AP3B1: variants seen among roughly 807,000 people sequenced by gnomAD.
The protein encoded by AP3B1 is adaptor related protein complex 3 subunit beta 1.
In AP3B1, 61 loss-of-function variants were observed where a neutral mutation model predicts 132.5. The ratio of observed to expected loss-of-function variants is 0.46; its 90% CI spans 0.37 to 0.57. The LOEUF is 0.57. Among genes scored for constraint, AP3B1 ranks in the 20% least tolerant of loss-of-function variants. The probability of loss-of-function intolerance (pLI) is 0.00; values close to 1 mark genes in which losing one functional copy is unlikely to be tolerated. For synonymous variants in AP3B1, 388 were observed against 438.3 expected, an observed-to-expected ratio of 0.89 and a Z score of 1.43; for missense variants, 1,120 against 1,289.4, an observed-to-expected ratio of 0.87 and a Z score of 2.01.
At chr5:78,060,776 A>C (rs551500982) in intron 22 of AP3B1, among the ~76,000 whole-genome samples, 1 of 152,278 alleles carries the variant, frequency 6.6e-6, no homozygotes, top group South Asian at 2.1e-4. Flanking sequence ...GTTTTTGAAA[A>C]AAAAAAATCT....
At chr5:78,255,352 C>A (rs1329259151) in intron 2 of AP3B1, among the ~76,000 whole-genome samples, 2 of 151,892 alleles carry the variant, frequency 1.3e-5, no homozygotes, top group Non-Finnish European at 2.9e-5. Flanking sequence ...CACAAAAAAA[C>A]ACACTGTACC....
chr5:78,147,337 C>T (rs1753449265), intron 14 of AP3B1, among the ~76,000 whole-genome samples: 1 of 151,892 alleles, frequency 6.6e-6, no homozygotes, highest in East Asian at 1.9e-4. Context: ...CTTTCCTTAC[C>T]TTCTTATTTT....
At chr5:78,079,491 T>C in intron 22 of AP3B1, among the ~76,000 whole-genome samples, 1 of 152,152 alleles carries the variant, frequency 6.6e-6, no homozygotes, top group East Asian at 1.9e-4. Flanking sequence ...ATTAATTAAA[T>C]AATTCTAAGG....
chr5:78,205,198 T>G (rs1310991958), intron 7 of AP3B1, among the ~76,000 whole-genome samples: 11 of 152,040 alleles, frequency 7.2e-5, no homozygotes, highest in African/African-American at 2.6e-4. Context: ...TTATAAGAAA[T>G]GCAAAAATAA....
chr5:78,196,606 A>G (rs1472543110), intron 7 of AP3B1, among the ~76,000 whole-genome samples: 1 of 152,214 alleles, frequency 6.6e-6, no homozygotes, highest in Admixed American at 6.5e-5. Flanking sequence ...CAAAACTAGA[A>G]AGTGCTCAAA....
At chr5:78,241,430 T>C (rs1747134987) in intron 2 of AP3B1, among the ~76,000 whole-genome samples, 1 of 152,190 alleles carries the variant, frequency 6.6e-6, no homozygotes, top group Non-Finnish European at 1.5e-5. Flanking sequence ...TTAAAAATAT[T>C]TAAAAATATT....
At chr5:78,064,530 G>C (rs191458056) in intron 22 of AP3B1, among the ~76,000 whole-genome samples, 101 of 152,210 alleles carry the variant, frequency 6.6e-4, no homozygotes, top group African/African-American at 2.2e-3. Flanking sequence ...AAAATTTTTA[G>C]GGTCAATGAA....
intron 22 of AP3B1, among the ~76,000 whole-genome samples, chr5:78,048,081 C>G (rs1487937150): frequency 6.6e-6 from 1 of 152,240 alleles, no homozygotes; most frequent in Non-Finnish European, 1.5e-5. Context: ...TGGTGCCATA[C>G]AGGCTAGTGG....
intron 13 of AP3B1, among the ~76,000 whole-genome samples, chr5:78,156,669 T>G (rs1743161895): frequency 6.6e-6 from 1 of 152,218 alleles, no homozygotes; most frequent in Non-Finnish European, 1.5e-5. Flanking sequence ...CTCACCATAG[T>G]GTTCTATGTC....
At chr5:78,043,855 C>T in intron 22 of AP3B1, 1 of 363,704 alleles carries the variant, frequency 2.7e-6, no homozygotes, top group Non-Finnish European at 5.4e-6. Context: ...TTGGTAGACA[C>T]AGGCATTGAC....
intron 15 of AP3B1, among the ~76,000 whole-genome samples, chr5:78,130,663 T>A (rs1580386609): frequency 1.3e-5 from 2 of 152,050 alleles, no homozygotes; most frequent in Non-Finnish European, 2.9e-5. Flanking sequence ...AAATGAGGAA[T>A]ACAATTCAAA....
chr5:78,068,249 G>A (rs576063616), intron 22 of AP3B1, among the ~76,000 whole-genome samples: 22 of 152,252 alleles, frequency 1.4e-4, no homozygotes, highest in African/African-American at 2.6e-4. Flanking sequence ...CTTGAACCCC[G>A]GAGGTGGAGG....
intron 13 of AP3B1, among the ~76,000 whole-genome samples, chr5:78,159,668 T>A (rs913510925): frequency 6.6e-6 from 1 of 152,210 alleles, no homozygotes; most frequent in Admixed American, 6.5e-5. Flanking sequence ...TATAGAAACT[T>A]GACTTAATCA....
chr5:78,026,918 T>C (rs998790496), intron 24 of AP3B1, among the ~76,000 whole-genome samples: 29 of 152,316 alleles, frequency 1.9e-4, no homozygotes, highest in African/African-American at 6.7e-4. Context: ...GCATTTATTT[T>C]CTTGTAAATT....
Position 78,194,727 on chromosome 5 carries a change from C to T in AP3B1, c.787-13065G>A, listed in dbSNP as rs1745009486. Among the ~76,000 whole-genome samples, 3 of 152,112 alleles carry T rather than the reference C, an allele frequency of 2.0e-5. No individual in the cohort carries two copies. In the South Asian group the frequency reaches 6.2e-4, roughly 31 times the overall value. ...TACAAAATAATTCTAAGTGACTATG[C>T]TAAATCATGTGAATGAGTACTCAAA... On this transcript the variant is annotated intron_variant, in intron 7 of 26. Coordinates refer to ENST00000255194, the MANE Select transcript of AP3B1 (RefSeq NM_003664.5).
Position 78,113,771 on chromosome 5 carries a change from A to G in AP3B1, c.2230T>C (p.Ser744Pro). ...LENKRTAKRN[S>P]KAKGKSDSED... ...AGTTACCTTTTTCCTTTGGCTTTTG[A>G]GTTCCTCTTGGCTGTTCTTTTGTTT... Residue 744 changes from serine (S) to proline (P), a missense_variant, in exon 19 of 27, where the codon TCA becomes CCA. Ser to Pro is a moderately conservative substitution (Grantham distance 74). Around this residue, in one of 3 missense-constraint regions of AP3B1, gnomAD observed 906 missense variants for 997.1 expected, o/e 0.91. Transcript: ENST00000255194. 1.2e-6 allele frequency: 2 copies of G among 1,613,940 alleles called. No individual in the cohort carries two copies. The highest frequency in any genetic ancestry group is 1.7e-6 in the Non-Finnish European group (2 of 1,180,004).
chr5:78,228,679 A>G (rs747320248), intron 3 of AP3B1, among the ~76,000 whole-genome samples: 1 of 152,120 alleles, frequency 6.6e-6, no homozygotes, highest in Non-Finnish European at 1.5e-5. Flanking sequence ...ACACAGAGAG[A>G]CCCTACCTCT....
chr5:78,174,398 A>T (rs1204986749), intron 11 of AP3B1, among the ~76,000 whole-genome samples: 1 of 152,112 alleles, frequency 6.6e-6, no homozygotes, highest in Non-Finnish European at 1.5e-5. Context: ...GTTGATGTTG[A>T]TGCTATTCCT....
At chr5:78,221,728 T>C (rs1461921031) in intron 6 of AP3B1, among the ~76,000 whole-genome samples, 4 of 150,852 alleles carry the variant, frequency 2.7e-5, no homozygotes, top group African/African-American at 9.7e-5. Flanking sequence ...TAGGAATCCC[T>C]GAAAAAGAAA....
Sources: allele counts gnomAD v4.1 joint callset (sites outside exome capture counted in the v4.1 genomes callset), GRCh38; gene constraint gnomAD v4.1.1; regional missense constraint gnomAD v4.1.1; transcripts MANE v1.5; gene names NCBI Gene and HGNC (gene_info 2026-07-23, HGNC 2026-07-21).